Variants in SUPT6H observed in about 807,000 individuals in gnomAD.
SUPT6H encodes the protein transcription elongation factor SPT6.
A neutral mutation model predicts 222.3 loss-of-function variants in SUPT6H; 11 were observed. The ratio of observed to expected loss-of-function variants is 0.05; its 90% CI spans 0.03 to 0.08. The LOEUF is 0.08. Ranked by LOEUF, SUPT6H falls within the 10% of genes least tolerant of loss-of-function variation. The pLI, the probability that SUPT6H is intolerant of heterozygous loss-of-function variation, is 1.00. For synonymous variants in SUPT6H, 762 were observed against 801.2 expected (o/e 0.95, Z 0.83); for missense variants, 1,422 against 2,216.0 (o/e 0.64, Z 7.19).
chr17:28,695,255 C>T, intron 28 of SUPT6H, 97 bp from the exon 29 acceptor site: 8 of 1,315,098 alleles, frequency 6.1e-6, no homozygotes, highest in Non-Finnish European at 8.3e-6. Context: ...TTACACCTTA[C>T]ACCTTTCTGC....
chr17:28,697,513 T>C, intron 30 of SUPT6H, 107 bp from the exon 31 acceptor site: 1 of 823,884 alleles, frequency 1.2e-6, no homozygotes, highest in Non-Finnish European at 2.0e-6. Context: ...GGGACTTTGC[T>C]ATGGACTGAG....
Position 28,701,795 on chromosome 17 carries a change from C to T in SUPT6H, c.*170C>T. ...GGCTGGATGGCCTTGTGAACTTGAG[C>T]TCAGTGTATGCTAGGCAACAATTCT... On this transcript the variant is annotated 3_prime_UTR_variant, in exon 37 of 37. Transcript: ENST00000314616. 1.5e-6 allele frequency: 1 copy of T among 689,362 alleles called. No homozygotes were observed. The highest frequency in any genetic ancestry group is 2.4e-6 in the Non-Finnish European group (1 of 420,090). The allele number at this position is 689,362 out of a possible 1,614,324, so 42.7% of individuals were successfully genotyped here.
In SUPT6H at chr17:28,677,823, A is replaced by G; in HGVS notation, c.999+7A>G. 6.2e-7 allele frequency: 1 copy of G among 1,612,006 alleles called. No individual in the cohort carries two copies. ...ACCAACCATTTCTCTCCAGGTACAC[A>G]AAAAAGATCCTTAGGTTTTGACATG... On this transcript the variant is annotated splice_region_variant and intron_variant, in intron 8 of 36. Coordinates refer to ENST00000314616, the MANE Select transcript of SUPT6H (RefSeq NM_003170.5).
At chr17:28,683,899 A>ATG in intron 17 of SUPT6H, 83 bp downstream of exon 17, 7 of 1,321,142 alleles carry the variant, frequency 5.3e-6, no homozygotes, top group Non-Finnish European at 6.1e-6. Context: ...GCAGTGGCGC[A>ATG]ATCTTGGCTC....
At chr17:28,684,788 A>C in intron 18 of SUPT6H, 56 bp from the exon 19 acceptor site, 1 of 1,612,972 alleles carries the variant, frequency 6.2e-7, no homozygotes. Flanking sequence ...TTTTTCTCTC[A>C]TTCATAACTT....
chr17:28,692,029 A>C (rs1006477873), intron 27 of SUPT6H, among the ~76,000 whole-genome samples: 8 of 151,722 alleles, frequency 5.3e-5, no homozygotes, highest in African/African-American at 1.9e-4. Flanking sequence ...TTTTTTAAAA[A>C]AAGGGAGGGG....
chr17:28,675,043 A>T lies in SUPT6H; in HGVS notation c.419A>T (p.His140Leu), dbSNP rs777749510. ...DDEEEYGKEE[H>L]EKEAIAEEIF... The stretch of plus-strand genomic sequence containing the variant: ...GAGGAGGAATATGGCAAGGAGGAAC[A>T]TGAAAAAGAAGCTATTGCGGAAGAA... The change falls in exon 5 of 37, where the codon CAT becomes CTT. Residue 140 changes from histidine (H) to leucine (L), a missense_variant. This residue lies in a region of SUPT6H where 389 missense variants were observed against 544.6 expected (regional missense o/e 0.71). Transcript: ENST00000314616. The T allele has an allele frequency of 1.2e-6, 2 of 1,614,196 alleles. No individual in the cohort carries two copies.
chr17:28,699,205 G>A (rs1165644383), intron 32 of SUPT6H, among the ~76,000 whole-genome samples: 1 of 152,180 alleles, frequency 6.6e-6, no homozygotes, highest in African/African-American at 2.4e-5. Context: ...CACCCCATAG[G>A]CTTCAGTGCT....
chr17:28,679,542 C>T (rs980061685), intron 11 of SUPT6H, among the ~76,000 whole-genome samples: 3 of 151,834 alleles, frequency 2.0e-5, no homozygotes, highest in East Asian at 3.9e-4. Context: ...GAGCAAGATC[C>T]GGTTTTTTTT....
chr17:28,698,163 T>G, intron 32 of SUPT6H, 133 bp downstream of exon 32: 1 of 1,237,284 alleles, frequency 8.1e-7, no homozygotes, highest in Admixed American at 3.2e-5. Context: ...AGAACAGAGG[T>G]GGAGGTTGGA....
rs1326389729 is a variant in SUPT6H, at chr17:28,687,199, C to T, written c.2812C>T (p.Leu938=). ...AQVCSSDEDI[L]CLKFHPLQEH... is the part of the protein sequence containing the mutation. ...GGTGTGCAGTTCCGATGAAGACATCCTGTGTCTCAAGTTTCACCCCTTGCA... is the reference window on the plus strand; with the variant it reads ...GGTGTGCAGTTCCGATGAAGACATCTTGTGTCTCAAGTTTCACCCCTTGCA... The change falls in exon 22 of 37, where the codon CTG becomes TTG. Residue 938 remains leucine, a synonymous_variant. Coordinates refer to ENST00000314616, the MANE Select transcript of SUPT6H (RefSeq NM_003170.5). The T allele has an allele frequency of 1.2e-6, 2 of 1,614,170 alleles. No individual in the cohort carries two copies. The highest frequency in any genetic ancestry group is 1.7e-6 in the Non-Finnish European group (2 of 1,180,038).
chr17:28,672,425 T>G (rs1296637231), intron 1 of SUPT6H, among the ~76,000 whole-genome samples: 1 of 152,198 alleles, frequency 6.6e-6, no homozygotes, highest in Admixed American at 6.5e-5. Context: ...TTTTTTTCTT[T>G]TTTTTCGAGG....
At chr17:28,698,072 A>G (rs1302855367) in intron 32 of SUPT6H, 42 bp downstream of exon 32, 1 of 1,591,144 alleles carries the variant, frequency 6.3e-7, no homozygotes. Flanking sequence ...TGGGGTTCAT[A>G]GGCAGGCTAG....
intron 1 of SUPT6H, among the ~76,000 whole-genome samples, chr17:28,662,754 AGGGCGAT>A (rs1286905511): frequency 1.3e-5 from 2 of 152,324 alleles, no homozygotes; most frequent in Admixed American, 6.5e-5. Flanking sequence ...ATCAGGCTAG[AGGGCGAT>A]GCCAAATTCC....
chr17:28,664,842 T>C (rs559381869), intron 1 of SUPT6H, among the ~76,000 whole-genome samples: 7 of 152,220 alleles, frequency 4.6e-5, no homozygotes, highest in Non-Finnish European at 1.0e-4. Context: ...CTGAGAATCA[T>C]CTTTGTTCTT....
chr17:28,675,372 G>A lies in SUPT6H; in HGVS notation c.539-29G>A, dbSNP rs371395565. 3.3e-5 allele frequency: 53 copies of A among 1,612,700 alleles called. No homozygotes were observed. The African/African-American group carries it at 6.7e-4, about 20-fold the overall frequency. ...TAGTCCTGGCTCAGCCCCTGACTCT[G>A]AGCCCCAACCCATCCTTTTCCTACC... On this transcript the variant is annotated intron_variant, in intron 5 of 36. Transcript: ENST00000314616.
At chr17:28,701,198 T>G in intron 36 of SUPT6H, 70 bp downstream of exon 36, 1 of 1,527,910 alleles carries the variant, frequency 6.5e-7, no homozygotes, top group African/African-American at 1.4e-5. Context: ...GCCGAAAGGC[T>G]TAGCAGAGGC....
intron 19 of SUPT6H, among the ~76,000 whole-genome samples, chr17:28,685,289 G>A (rs2031324319): frequency 1.3e-5 from 2 of 152,040 alleles, no homozygotes; most frequent in Non-Finnish European, 2.9e-5. Context: ...CCTTTTCCCT[G>A]CTTTAGCCTT....
rs2032105386 is a variant in SUPT6H, at chr17:28,700,958, C to T, written c.4824C>T (p.Ala1608=). 1 of 1,612,388 alleles carries T rather than the reference C, an allele frequency of 6.2e-7. No individual in the cohort carries two copies. The highest frequency in any genetic ancestry group is 1.1e-5 in the South Asian group (1 of 91,016). The change falls in exon 36 of 37, where the codon GCC becomes GCT. Residue 1608 remains alanine (A), a synonymous_variant. Coordinates refer to ENST00000314616, the MANE Select transcript of SUPT6H (RefSeq NM_003170.5). ...SSAYHVFPTP[A]QQPVATPLMT... The stretch of plus-strand genomic sequence containing the variant: ...CTCTCCAGGTATTCCCAACGCCAGC[C>T]CAGCAGCCAGTGGCCACACCACTAA...
Sources: allele counts gnomAD v4.1 joint callset (sites outside exome capture counted in the v4.1 genomes callset), GRCh38; gene constraint gnomAD v4.1.1; regional missense constraint gnomAD v4.1.1; transcripts MANE v1.5; gene names NCBI Gene and HGNC (gene_info 2026-07-23, HGNC 2026-07-21).